The following ATL1 variants were observed in gnomAD, a reference collection of about 807,000 sequenced individuals.
ATL1 encodes the protein atlastin GTPase 1.
Under a neutral mutation model 75.5 loss-of-function variants are expected in ATL1, and 31 were observed. The observed-to-expected ratio is 0.41, with a 90% CI of 0.31 to 0.55. ATL1 has a LOEUF of 0.55. ATL1 is among the 20% of genes least tolerant of loss of function. The pLI, the probability that ATL1 is intolerant of heterozygous loss-of-function variation, is 0.27. For missense variants in ATL1, 405 were observed against 662.6 expected, an observed-to-expected ratio of 0.61 and a Z score of 4.27; for synonymous variants, 226 against 233.3, an observed-to-expected ratio of 0.97 and a Z score of 0.28.
chr14:50,615,132 G>A (rs1012185340), intron 8 of ATL1, among the ~76,000 whole-genome samples: 4 of 152,216 alleles, frequency 2.6e-5, no homozygotes, highest in Non-Finnish European at 5.9e-5. Context: ...AAGAGCAGGA[G>A]GGGAGGTAGG....
At chr14:50,592,285 C>A (rs2039166159) in intron 4 of ATL1, among the ~76,000 whole-genome samples, 1 of 151,848 alleles carries the variant, frequency 6.6e-6, no homozygotes, top group Non-Finnish European at 1.5e-5. Flanking sequence ...TATTTTCAAT[C>A]CACTGGCAAA....
chr14:50,599,906 G>T (rs1475787371), intron 6 of ATL1, among the ~76,000 whole-genome samples: 1 of 152,108 alleles, frequency 6.6e-6, no homozygotes, highest in Non-Finnish European at 1.5e-5. Context: ...CTGGTGTGGG[G>T]AGGAGGTGAG....
At chr14:50,546,148 G>A (rs2038628652) in intron 1 of ATL1, among the ~76,000 whole-genome samples, 1 of 152,156 alleles carries the variant, frequency 6.6e-6, no homozygotes, top group Non-Finnish European at 1.5e-5. Flanking sequence ...AAAAAAGAGG[G>A]TAAAAGAAGT....
At chr14:50,609,800 T>C (rs2039347063) in intron 6 of ATL1, among the ~76,000 whole-genome samples, 2 of 152,146 alleles carry the variant, frequency 1.3e-5, no homozygotes, top group South Asian at 2.1e-4. Flanking sequence ...CTTAGAAAAA[T>C]GCCCGTTCTA....
chr14:50,595,178 C>T (rs1267610856), intron 5 of ATL1, among the ~76,000 whole-genome samples: 2 of 152,110 alleles, frequency 1.3e-5, no homozygotes, highest in African/African-American at 4.8e-5. Flanking sequence ...TTACAGCTCT[C>T]TGGTCTAATT....
chr14:50,557,520 G>A (rs1220186990), upstream of ATL1, among the ~76,000 whole-genome samples: 1 of 152,070 alleles, frequency 6.6e-6, no homozygotes, highest in African/African-American at 2.4e-5. Flanking sequence ...AAGATCTTCT[G>A]TATTCTTTTT....
At chr14:50,602,870 C>G (rs1211663945) in intron 6 of ATL1, among the ~76,000 whole-genome samples, 1 of 152,108 alleles carries the variant, frequency 6.6e-6, no homozygotes, top group Non-Finnish European at 1.5e-5. Context: ...GGGTTAGAAT[C>G]ATTTCTGAGC....
intron 1 of ATL1, among the ~76,000 whole-genome samples, chr14:50,548,047 C>G (rs1483494418): frequency 6.6e-6 from 1 of 152,126 alleles, no homozygotes; most frequent in Non-Finnish European, 1.5e-5. Context: ...TACAAACCAC[C>G]TTGGATGGCC....
intron 2 of ATL1, among the ~76,000 whole-genome samples, chr14:50,588,724 T>G (rs1392068407): frequency 1.3e-5 from 2 of 151,188 alleles, no homozygotes; most frequent in Non-Finnish European, 3.0e-5. Flanking sequence ...CTGTCTCTAC[T>G]AAAAAAAAAC....
At chr14:50,627,916 A>AG (rs1243548428) in intron 11 of ATL1, 115 bp from the exon 12 acceptor site, 137 of 953,264 alleles carry the variant, frequency 1.4e-4, no homozygotes, top group Admixed American at 2.6e-4. Flanking sequence ...ACATATATGC[A>AG]GGCTCCTGAT....
intron 1 of ATL1, among the ~76,000 whole-genome samples, chr14:50,538,083 G>A (rs1246461346): frequency 6.6e-6 from 1 of 152,170 alleles, no homozygotes; most frequent in South Asian, 2.1e-4. Flanking sequence ...GAATTCCCAC[G>A]TGAGAGAGGG....
chr14:50,595,742 C>A, intron 6 of ATL1, 110 bp downstream of exon 6: 1 of 968,910 alleles, frequency 1.0e-6, no homozygotes, highest in South Asian at 1.4e-5. Flanking sequence ...ATTGAGAAAC[C>A]ATTTTTGAAC....
At chr14:50,555,972 G>T (rs1476098933), upstream of ATL1, among the ~76,000 whole-genome samples, 1 of 152,152 alleles carries the variant, frequency 6.6e-6, no homozygotes, top group Non-Finnish European at 1.5e-5. Context: ...AAATGAGCAT[G>T]GTGAAAGAAC....
intron 1 of ATL1, among the ~76,000 whole-genome samples, chr14:50,537,320 G>T (rs1297760175): frequency 1.3e-5 from 2 of 152,228 alleles, no homozygotes; most frequent in African/African-American, 4.8e-5. Context: ...GGGAATCTTT[G>T]CCTAGATTTC....
intron 1 of ATL1, among the ~76,000 whole-genome samples, chr14:50,567,477 C>A (rs2038915528): frequency 6.6e-6 from 1 of 152,052 alleles, no homozygotes; most frequent in Non-Finnish European, 1.5e-5. Flanking sequence ...TGGGTATATA[C>A]CCAGAAGTGG....
intron 4 of ATL1, 50 bp downstream of exon 4, chr14:50,591,689 G>A (rs2039160230): frequency 2.3e-6 from 3 of 1,294,020 alleles, no homozygotes; most frequent in East Asian, 4.7e-5. Flanking sequence ...AAAATTATGA[G>A]TATATGTGTT....
intron 1 of ATL1, among the ~76,000 whole-genome samples, chr14:50,564,477 G>A (rs2038882012): frequency 1.3e-5 from 2 of 151,416 alleles, no homozygotes; most frequent in South Asian, 2.1e-4. Context: ...GTGAAACCCC[G>A]TCTCTACTGA....
At chr14:50,621,984 TAGAC>T (rs2140233637) in intron 10 of ATL1, 85 bp downstream of exon 10, 3 of 895,524 alleles carry the variant, frequency 3.3e-6, no homozygotes, top group Admixed American at 1.9e-5. Context: ...ATAACAATAT[TAGAC>T]AGAATAATTT....
intron 6 of ATL1, among the ~76,000 whole-genome samples, chr14:50,603,918 C>T (rs1309902957): frequency 1.3e-5 from 2 of 152,162 alleles, no homozygotes; most frequent in Non-Finnish European, 2.9e-5. Flanking sequence ...AAATGCTTAT[C>T]TGGCTACATA....
Sources: gnomAD v4.1 joint callset for allele counts (sites outside exome capture counted in the v4.1 genomes callset) on GRCh38, gnomAD v4.1.1 for gene constraint, MANE v1.5 for transcripts, NCBI Gene and HGNC (gene_info 2026-07-23, HGNC 2026-07-21) for gene names.